ZNF592: variants seen among roughly 807,000 people sequenced by gnomAD.
ZNF592 encodes the protein zinc finger protein 592.
A neutral mutation model predicts 80.3 loss-of-function variants in ZNF592; 11 were observed. That is an observed-to-expected ratio of 0.14 (90% CI 0.09 to 0.23). The LOEUF is 0.23. ZNF592 is among the 10% of genes least tolerant of loss of function. The pLI is 1.00. For missense variants in ZNF592, 1,420 were observed against 1,633.9 expected (o/e 0.87, Z 2.26); for synonymous variants, 646 against 640.3 (o/e 1.01, Z -0.13).
At chr15:84,772,638 G>A (rs1962117788) in intron 2 of ZNF592, among the ~76,000 whole-genome samples, 1 of 152,228 alleles carries the variant, frequency 6.6e-6, no homozygotes, top group Non-Finnish European at 1.5e-5. Flanking sequence ...AGTCAGTCAT[G>A]TGGGGGAGCA....
chr15:84,779,585 C>G (rs946217072), intron 3 of ZNF592, among the ~76,000 whole-genome samples: 2 of 152,132 alleles, frequency 1.3e-5, no homozygotes, highest in African/African-American at 4.8e-5. Flanking sequence ...CTCCTGGGCT[C>G]AAGTGATCCT....
At chr15:84,790,995 A>G in intron 5 of ZNF592, 112 bp downstream of exon 5, 1 of 1,230,230 alleles carries the variant, frequency 8.1e-7, no homozygotes, top group Non-Finnish European at 1.2e-6. Flanking sequence ...TCCAGTCTAC[A>G]CAGGACAAGA....
intron 2 of ZNF592, among the ~76,000 whole-genome samples, chr15:84,768,481 A>C (rs571240980): frequency 6.6e-6 from 1 of 151,542 alleles, no homozygotes; most frequent in Admixed American, 6.6e-5. Context: ...CAAGTCATCC[A>C]CCTGTCTCAG....
chr15:84,761,974 G>C (rs1301940692), intron 1 of ZNF592, among the ~76,000 whole-genome samples: 1 of 152,170 alleles, frequency 6.6e-6, no homozygotes, highest in Non-Finnish European at 1.5e-5. Flanking sequence ...CTTCTATCCT[G>C]TTTTTGATAA....
intron 10 of ZNF592, among the ~76,000 whole-genome samples, chr15:84,801,510 A>G (rs969244157): frequency 2.6e-5 from 4 of 152,210 alleles, no homozygotes; most frequent in African/African-American, 9.6e-5. Flanking sequence ...AAAAAGAAAA[A>G]GAAAAGTATG....
Position 84,790,714 on chromosome 15 carries a change from G to A in ZNF592, c.2230G>A (p.Val744Ile). 6.8e-6 allele frequency: 11 copies of A among 1,614,202 alleles called. No homozygotes were observed. Among genetic ancestry groups the A allele is most frequent in the African/African-American group, 1.3e-5 (1 of 75,050 alleles). The change falls in exon 5 of 11, where the codon GTA becomes ATA. Residue 744 changes from valine to isoleucine, a missense_variant. Physicochemically the swap from Val to Ile is conservative, Grantham distance 29. This residue lies in a region of ZNF592 where 524 missense variants were observed against 628.3 expected (regional missense o/e 0.83). Coordinates refer to ENST00000560079, the MANE Select transcript of ZNF592 (RefSeq NM_014630.3). ...TEETEGLTCQ[V>I]CQMLLPNQCS... ...TGGTGTTCTTTCCTAGACCTGCCAG[G>A]TATGCCAAATGCTGCTGCCCAACCA...
At chr15:84,772,614 A>G (rs1357466251) in intron 2 of ZNF592, among the ~76,000 whole-genome samples, 1 of 152,220 alleles carries the variant, frequency 6.6e-6, no homozygotes, top group Non-Finnish European at 1.5e-5. Context: ...AAATGATATC[A>G]GTATTTAAGC....
intron 1 of ZNF592, among the ~76,000 whole-genome samples, chr15:84,757,435 T>G (rs1337121897): frequency 6.6e-6 from 1 of 151,110 alleles, no homozygotes; most frequent in African/African-American, 2.4e-5. Context: ...AGTCTTGACC[T>G]CCTGGGCTCA....
chr15:84,798,359 G>T lies in ZNF592; in HGVS notation c.2621G>T (p.Arg874Met). The T allele has an allele frequency of 6.2e-7, 1 of 1,614,240 alleles. No individual in the cohort carries two copies. Among genetic ancestry groups the T allele is most frequent in the Non-Finnish European group, 8.5e-7 (1 of 1,180,038 alleles). ...TGTGAAATGGTCTTCAACAAGAAGA[G>T]GCACATTCAGCAGCATTTTTACCAG... is the stretch of plus-strand genomic sequence containing the variant. ...CSCEMVFNKK[R>M]HIQQHFYQNV... is the part of the protein sequence containing the mutation. Residue 874 changes from arginine to methionine, a missense_variant, in exon 7 of 11, where the codon AGG becomes ATG. Arg to Met is a moderately conservative substitution (Grantham distance 91, BLOSUM62 -1). Around this residue, in one of 7 missense-constraint regions of ZNF592, gnomAD observed 331 missense variants for 347.0 expected, o/e 0.95. Coordinates refer to ENST00000560079, the MANE Select transcript of ZNF592 (RefSeq NM_014630.3). This position sits in a 1 kb window ranked among gnomAD's most constrained non-coding sequence, Gnocchi z 4.5.
At chr15:84,780,076 T>C (rs1962378305) in intron 3 of ZNF592, among the ~76,000 whole-genome samples, 2 of 147,216 alleles carry the variant, frequency 1.4e-5, no homozygotes, top group African/African-American at 5.0e-5. Context: ...AACCTCCTCC[T>C]CCTGGGTTCA....
At chr15:84,749,188 C>T (rs1303706715) in intron 1 of ZNF592, among the ~76,000 whole-genome samples, 1 of 152,232 alleles carries the variant, frequency 6.6e-6, no homozygotes, top group Non-Finnish European at 1.5e-5. Context: ...AAGGTTTCTC[C>T]CGGAGCAGAC....
intron 3 of ZNF592, 87 bp from the exon 4 acceptor site, chr15:84,782,557 GGTGTGCTGGCTGT>G: frequency 9.1e-7 from 1 of 1,098,952 alleles, no homozygotes; most frequent in Non-Finnish European, 1.4e-6. Context: ...GTTCTGCATG[GGTGTGCTGGCTGT>G]GTGTGCATTA....
At chr15:84,764,900 G>A (rs1291294723) in intron 2 of ZNF592, 85 bp downstream of exon 2, 4 of 274,526 alleles carry the variant, frequency 1.5e-5, no homozygotes, top group Non-Finnish European at 1.8e-5. Flanking sequence ...ATTTTGTTTT[G>A]TTTTGTTTTG....
chr15:84,792,258 G>A (rs934658758), intron 5 of ZNF592, among the ~76,000 whole-genome samples: 5 of 151,954 alleles, frequency 3.3e-5, no homozygotes, highest in African/African-American at 9.7e-5. Flanking sequence ...TGGCAGAGGC[G>A]AGGCTAGGCC....
chr15:84,769,339 G>C (rs979957838), intron 2 of ZNF592, among the ~76,000 whole-genome samples: 1 of 151,962 alleles, frequency 6.6e-6, no homozygotes, highest in Non-Finnish European at 1.5e-5. Context: ...TATGCTAGGT[G>C]GTGATAAGTG....
At chr15:84,790,555 G>T in intron 4 of ZNF592, 150 bp from the exon 5 acceptor site, 1 of 783,676 alleles carries the variant, frequency 1.3e-6, no homozygotes. Flanking sequence ...GAGGTCTAGG[G>T]GTGTCAGAAG....
intron 1 of ZNF592, 60 bp downstream of exon 1, chr15:84,748,724 G>A (rs1207061705): frequency 6.8e-6 from 1 of 147,838 alleles, no homozygotes; most frequent in Non-Finnish European, 1.5e-5. Flanking sequence ...GCCCCAGCCT[G>A]GGCCCGGGAG....
rs1962525237 is a variant in ZNF592, at chr15:84,784,426, C to T, written c.1751C>T (p.Ala584Val). ...GCGGACAGCAGGATCCACGTGCCGG[C>T]CAGTGGGTACTGCTGCCTGGAGTGT... Reference protein sequence around the residue: ...PPADSRIHVPASGYCCLECGD... With the variant: ...PPADSRIHVPVSGYCCLECGD... The change falls in exon 4 of 11, where the codon GCC (alanine) becomes GTC (valine). Residue 584 changes from alanine (A) to valine (V), a missense_variant. Around this residue, in one of 7 missense-constraint regions of ZNF592, gnomAD observed 524 missense variants for 628.3 expected, o/e 0.83. Transcript: ENST00000560079. The surrounding 1 kb of genome is among the most constrained non-coding windows in gnomAD (Gnocchi z 5.8). The T allele has an allele frequency of 1.2e-6, 2 of 1,614,230 alleles. No homozygotes were observed. Among genetic ancestry groups the T allele is most frequent in the Non-Finnish European group, 1.7e-6 (2 of 1,180,050 alleles).
At position 84,783,192 on chromosome 15, in the gene ZNF592, C is replaced by G; in HGVS notation, c.517C>G (p.Leu173Val). 1.9e-6 allele frequency: 3 copies of G among 1,614,196 alleles called. No individual in the cohort carries two copies. Among genetic ancestry groups the G allele is most frequent in the Non-Finnish European group, 2.5e-6 (3 of 1,180,032 alleles). ...CTCTGACAGTTATTTCCCACCCCCT[C>G]TTGGGTGCGGGGCTGTGGGAGGCCC... ...KHSDSYFPPP[L>V]GCGAVGGPVL... is the part of the protein sequence containing the mutation. Residue 173 changes from leucine to valine, a missense_variant, in exon 4 of 11, where the codon CTT (leucine) becomes GTT (valine). Around this residue, in one of 7 missense-constraint regions of ZNF592, gnomAD observed 373 missense variants for 355.5 expected, o/e 1.05. Coordinates refer to ENST00000560079, the MANE Select transcript of ZNF592 (RefSeq NM_014630.3). This position sits in a 1 kb window ranked among gnomAD's most constrained non-coding sequence, Gnocchi z 5.0.
Sources: gnomAD v4.1 joint callset for allele counts (sites outside exome capture counted in the v4.1 genomes callset) on GRCh38, gnomAD v4.1.1 for gene constraint, gnomAD v4.1.1 regional missense constraint, Gnocchi (gnomAD v3.1) non-coding constraint, MANE v1.5 for transcripts, NCBI Gene and HGNC (gene_info 2026-07-23, HGNC 2026-07-21) for gene names.